DAB1: variants seen among roughly 807,000 people sequenced by gnomAD.
The protein encoded by DAB1 is DAB adaptor protein 1.
Under a neutral mutation model 64.6 loss-of-function variants are expected in DAB1, and 15 were observed. The ratio of observed to expected loss-of-function variants is 0.23; its 90% CI spans 0.16 to 0.36. The LOEUF (loss-of-function observed/expected upper bound fraction) is 0.36, where lower values mean the gene tolerates loss of function less well. DAB1 is among the 10% of genes least tolerant of loss of function. The probability of loss-of-function intolerance (pLI) is 1.00; values close to 1 mark genes in which losing one functional copy is unlikely to be tolerated. For missense variants in DAB1, 596 were observed against 706.7 expected (o/e 0.84, Z 1.78); for synonymous variants, 235 against 251.9 (o/e 0.93, Z 0.64).
chr1:57,347,340 G>A (rs1271439192), intron 1 of DAB1, among the ~76,000 whole-genome samples: 8 of 152,164 alleles, frequency 5.3e-5, no homozygotes, highest in Non-Finnish European at 1.0e-4. Context: ...GGCCTGCTGT[G>A]ACCAGCAGCG....
At chr1:57,044,769 AG>A (rs1355848164) in intron 9 of DAB1, among the ~76,000 whole-genome samples, 27 of 152,334 alleles carry the variant, frequency 1.8e-4, no homozygotes, top group African/African-American at 6.5e-4. Flanking sequence ...TCCACAAAGA[AG>A]ACAAAAAAAG....
At chr1:57,207,512 C>T (rs1479336338) in intron 2 of DAB1, among the ~76,000 whole-genome samples, 1 of 124,098 alleles carries the variant, frequency 8.1e-6, no homozygotes, top group Non-Finnish European at 1.7e-5. Flanking sequence ...GGCGGGATCT[C>T]GGCTCACTGC....
chr1:57,363,198 T>C (rs1679693230), intron 1 of DAB1, among the ~76,000 whole-genome samples: 1 of 152,234 alleles, frequency 6.6e-6, no homozygotes, highest in South Asian at 2.1e-4. Context: ...CTTAGTGACT[T>C]TAACACCTAA....
chr1:57,954,693 C>A (rs981010820), intron 5 of DAB1, among the ~76,000 whole-genome samples: 6 of 152,178 alleles, frequency 3.9e-5, no homozygotes, highest in African/African-American at 1.4e-4. Context: ...ACTAATACAT[C>A]CCTAGTGGAG....
chr1:57,567,217 C>A (rs1645133797), intron 7 of DAB1, among the ~76,000 whole-genome samples: 1 of 152,068 alleles, frequency 6.6e-6, no homozygotes. Context: ...CCTTTGACAA[C>A]ATTCAACAGC....
chr1:58,065,384 A>G (rs980711679), intron 5 of DAB1, among the ~76,000 whole-genome samples: 1 of 152,242 alleles, frequency 6.6e-6, no homozygotes, highest in African/African-American at 2.4e-5. Context: ...AGTATACAAT[A>G]CAGTATTATT....
intron 5 of DAB1, among the ~76,000 whole-genome samples, chr1:57,981,338 A>G (rs1646061989): frequency 6.6e-6 from 1 of 152,144 alleles, no homozygotes; most frequent in African/African-American, 2.4e-5. Flanking sequence ...AAGAAGAAAG[A>G]GGAGGAAAAG....
At chr1:57,061,144 CT>C (rs1650343803) in intron 9 of DAB1, among the ~76,000 whole-genome samples, 1 of 147,076 alleles carries the variant, frequency 6.8e-6, no homozygotes, top group Admixed American at 6.9e-5. Flanking sequence ...GGTCCCTAGA[CT>C]TGGGTTTTTG....
intron 4 of DAB1, among the ~76,000 whole-genome samples, chr1:58,288,193 T>C (rs910070728): frequency 2.0e-5 from 3 of 152,146 alleles, no homozygotes; most frequent in Non-Finnish European, 4.4e-5. Context: ...TGACAAATTA[T>C]ATGGGATGGA....
intron 5 of DAB1, among the ~76,000 whole-genome samples, chr1:58,089,972 T>C (rs1391092473): frequency 6.6e-6 from 1 of 152,208 alleles, no homozygotes; most frequent in East Asian, 1.9e-4. Flanking sequence ...AGACTCAACA[T>C]CGCAGCTGCA....
At chr1:57,558,987 G>A (rs962656252) in intron 7 of DAB1, among the ~76,000 whole-genome samples, 6 of 152,116 alleles carry the variant, frequency 3.9e-5, no homozygotes, top group Admixed American at 6.6e-5. Context: ...TCCATATGTC[G>A]GGTCTAACAG....
At chr1:58,351,188 G>T (rs1439454343) in intron 3 of DAB1, among the ~76,000 whole-genome samples, 2 of 152,106 alleles carry the variant, frequency 1.3e-5, no homozygotes, top group East Asian at 3.9e-4. Flanking sequence ...CTTGTAAGTT[G>T]TATTCCTGGG....
At chr1:57,314,396 C>G (rs1187434480) in intron 1 of DAB1, among the ~76,000 whole-genome samples, 3 of 152,180 alleles carry the variant, frequency 2.0e-5, no homozygotes, top group African/African-American at 7.2e-5. Flanking sequence ...GGAAGAGCAC[C>G]TGACTTGGAG....
intron 4 of DAB1, among the ~76,000 whole-genome samples, chr1:58,211,360 A>G (rs1408604943): frequency 6.6e-6 from 1 of 152,206 alleles, no homozygotes; most frequent in Admixed American, 6.6e-5. Context: ...GTTCTTCCAG[A>G]AATTTTCTCT....
intron 2 of DAB1, among the ~76,000 whole-genome samples, chr1:57,267,093 T>C (rs183463354): frequency 1.1e-4 from 16 of 152,128 alleles, no homozygotes; most frequent in Non-Finnish European, 2.2e-4. Flanking sequence ...AATCTTGAGA[T>C]GAAAGATCAT....
At chr1:57,082,385 G>C (rs1473749612) in intron 4 of DAB1, among the ~76,000 whole-genome samples, 1 of 152,130 alleles carries the variant, frequency 6.6e-6, no homozygotes, top group Non-Finnish European at 1.5e-5. Flanking sequence ...AACCATAAGA[G>C]AGTCTTTAAG....
At chr1:57,850,378 T>C (rs1414838794) in intron 1 of DAB1, among the ~76,000 whole-genome samples, 1 of 152,192 alleles carries the variant, frequency 6.6e-6, no homozygotes, top group Non-Finnish European at 1.5e-5. Context: ...GCAAAGCAAT[T>C]TGCCCAAGGA....
At chr1:58,178,712 C>T (rs1300354408) in intron 4 of DAB1, among the ~76,000 whole-genome samples, 1 of 152,082 alleles carries the variant, frequency 6.6e-6, no homozygotes, top group Non-Finnish European at 1.5e-5. Context: ...ACATTTTCTC[C>T]TTTGTTTTCT....
At chr1:57,475,089 A>G (rs1349109003) in intron 7 of DAB1, among the ~76,000 whole-genome samples, 1 of 152,106 alleles carries the variant, frequency 6.6e-6, no homozygotes, top group Non-Finnish European at 1.5e-5. Flanking sequence ...GTGAAACCCC[A>G]TCTCTACTAA....
Sources: gnomAD v4.1 joint callset for allele counts (sites outside exome capture counted in the v4.1 genomes callset) on GRCh38, gnomAD v4.1.1 for gene constraint, MANE v1.5 for transcripts, NCBI Gene and HGNC (gene_info 2026-07-23, HGNC 2026-07-21) for gene names.